IL1RL1: variants seen among roughly 807,000 people sequenced by gnomAD.
IL1RL1 encodes the protein interleukin-1 receptor-like 1.
IL1RL1 carries 32 observed loss-of-function variants against 50.9 expected under a neutral mutation model. The observed-to-expected ratio is 0.63, with a 90% CI of 0.47 to 0.84. The LOEUF is 0.84. Ranked by LOEUF, IL1RL1 falls within the 40% of genes least tolerant of loss-of-function variation. The pLI is 0.00. For missense variants in IL1RL1, 773 were observed against 662.9 expected, an observed-to-expected ratio of 1.17 and a Z score of -1.82; for synonymous variants, 275 against 236.0, an observed-to-expected ratio of 1.17 and a Z score of -1.51.
In IL1RL1 at chr2:102,348,087, G is replaced by A; in HGVS notation, c.1113G>A (p.Arg371=). 1 of 1,607,976 alleles carries A rather than the reference G, an allele frequency of 6.2e-7. No individual in the cohort carries two copies. The highest frequency in any genetic ancestry group is 8.5e-7 in the Non-Finnish European group (1 of 1,177,736). Residue 371 remains arginine, a synonymous_variant, in exon 9 of 11, where the codon AGG becomes AGA. Transcript: ENST00000233954. ...WRDIAKPYKT[R]NDGKLYDAYV... ...ACATAGCTAAACCTTACAAGACTAGGAATGGTAAGTGGCAAATACCAAGTT... is the reference window on the plus strand; with the variant it reads ...ACATAGCTAAACCTTACAAGACTAGAAATGGTAAGTGGCAAATACCAAGTT...
intron 1 of IL1RL1, among the ~76,000 whole-genome samples, chr2:102,335,892 G>A (rs1677306678): frequency 6.6e-6 from 1 of 152,082 alleles, no homozygotes; most frequent in Non-Finnish European, 1.5e-5. Context: ...ATAATATCCT[G>A]ATAAAACGGA....
chr2:102,345,400 A>G (rs748583017), intron 8 of IL1RL1: 17 of 985,168 alleles, frequency 1.7e-5, no homozygotes, highest in Non-Finnish European at 1.9e-5. Context: ...GGAAGGAAAG[A>G]GAGAAATATA....
intron 1 of IL1RL1, among the ~76,000 whole-genome samples, chr2:102,335,986 G>T (rs548371496): frequency 1.3e-5 from 2 of 152,092 alleles, no homozygotes; most frequent in Admixed American, 1.3e-4. Context: ...ATCTCCCCGC[G>T]GTCAAAGGAC....
At chr2:102,319,585 G>C (rs755905298) in intron 1 of IL1RL1, among the ~76,000 whole-genome samples, 15 of 152,192 alleles carry the variant, frequency 9.9e-5, no homozygotes, top group Non-Finnish European at 1.9e-4. Flanking sequence ...CTCAGTGTAA[G>C]CTAGTACACT....
intron 9 of IL1RL1, 27 bp downstream of exon 9, chr2:102,348,118 C>T: frequency 1.3e-6 from 2 of 1,585,120 alleles, no homozygotes; most frequent in South Asian, 1.1e-5. Context: ...AAGTTTTTCT[C>T]CCAAAGAAAA....
chr2:102,341,264 A>C (rs1247402593), intron 5 of IL1RL1: 1 of 1,249,974 alleles, frequency 8.0e-7, no homozygotes, highest in African/African-American at 1.6e-5. Context: ...GTCTAATGAG[A>C]GGCTTTGTGA....
chr2:102,351,165 A>G (rs1256795110), intron 10 of IL1RL1, among the ~76,000 whole-genome samples: 1 of 152,174 alleles, frequency 6.6e-6, no homozygotes, highest in East Asian at 1.9e-4. Flanking sequence ...GCCATTGAAA[A>G]ACATATAAGC....
At chr2:102,334,440 C>T (rs1677254781) in intron 1 of IL1RL1, among the ~76,000 whole-genome samples, 1 of 151,970 alleles carries the variant, frequency 6.6e-6, no homozygotes, top group African/African-American at 2.4e-5. Context: ...AGCTGGGGGG[C>T]CCAGCATATT....
chr2:102,316,490 C>T (rs1676676501), intron 1 of IL1RL1, among the ~76,000 whole-genome samples: 1 of 152,108 alleles, frequency 6.6e-6, no homozygotes, highest in South Asian at 2.1e-4. Context: ...GGTAGAATTT[C>T]CTTCTTCAGA....
chr2:102,324,703 T>C (rs547264372), intron 1 of IL1RL1, among the ~76,000 whole-genome samples: 50 of 152,354 alleles, frequency 3.3e-4, no homozygotes, highest in African/African-American at 9.4e-4. Context: ...CAGGAGATTA[T>C]ATCCTGCACC....
chr2:102,317,196 T>C (rs1249137869), intron 1 of IL1RL1, among the ~76,000 whole-genome samples: 2 of 151,678 alleles, frequency 1.3e-5, no homozygotes, highest in Non-Finnish European at 2.9e-5. Flanking sequence ...CTAGTAAAAA[T>C]ACAAAAAATT....
chr2:102,315,737 C>G (rs1676656481), intron 1 of IL1RL1, among the ~76,000 whole-genome samples: 1 of 152,176 alleles, frequency 6.6e-6, no homozygotes, highest in South Asian at 2.1e-4. Context: ...CACCAACTCT[C>G]AAGACACCAG....
intron 1 of IL1RL1, among the ~76,000 whole-genome samples, chr2:102,324,289 G>A (rs1676926427): frequency 6.6e-6 from 1 of 152,176 alleles, no homozygotes; most frequent in Admixed American, 6.5e-5. Flanking sequence ...TGATGCATGA[G>A]AGTTCTAGGT....
intron 10 of IL1RL1, among the ~76,000 whole-genome samples, 165 bp downstream of exon 10, chr2:102,349,411 C>T (rs12469506): frequency 0.22 from 33,404 of 152,048 alleles, 4,363 homozygotes; most frequent in East Asian, 0.39. Flanking sequence ...CCTTCAATCG[C>T]CCCTCTCCCA....
intron 1 of IL1RL1, among the ~76,000 whole-genome samples, chr2:102,326,130 C>T (rs1676990669): frequency 6.6e-6 from 1 of 152,192 alleles, no homozygotes; most frequent in Admixed American, 6.5e-5. Flanking sequence ...CAAGGGGAAG[C>T]CCATCAGACT....
chr2:102,345,536 T>C, intron 8 of IL1RL1: 1 of 985,360 alleles, frequency 1.0e-6, no homozygotes, highest in South Asian at 4.7e-5. Context: ...TTAGGATTCA[T>C]CCAGATACAC....
chr2:102,343,422 A>G lies in IL1RL1; in HGVS notation c.970+7A>G, dbSNP rs1204340889. The G allele has an allele frequency of 6.2e-7, 1 of 1,614,204 alleles. No homozygotes were observed. The highest frequency in any genetic ancestry group is 8.5e-7 in the Non-Finnish European group (1 of 1,180,036). ...CTAAGTAGGAAAAATCCAAGTAAGGAGTGTTTCTGAGACTTTGATCACCTG... is the reference window on the plus strand; with the variant it reads ...CTAAGTAGGAAAAATCCAAGTAAGGGGTGTTTCTGAGACTTTGATCACCTG... On this transcript the variant is annotated splice_region_variant and intron_variant, in intron 8 of 10. Coordinates refer to ENST00000233954, the MANE Select transcript of IL1RL1 (RefSeq NM_016232.5).
At chr2:102,321,592 T>C (rs372844898) in intron 1 of IL1RL1, among the ~76,000 whole-genome samples, 23 of 152,262 alleles carry the variant, frequency 1.5e-4, no homozygotes, top group African/African-American at 4.8e-4. Context: ...TATTTTATGG[T>C]CCGAGTAATT....
chr2:102,312,563 G>GA (rs1439863747), intron 1 of IL1RL1, among the ~76,000 whole-genome samples: 1 of 151,894 alleles, frequency 6.6e-6, no homozygotes, highest in Non-Finnish European at 1.5e-5. Flanking sequence ...GGAGATGAAG[G>GA]AAAAAAACAA....
Sources: gnomAD v4.1 joint callset for allele counts (sites outside exome capture counted in the v4.1 genomes callset) on GRCh38, gnomAD v4.1.1 for gene constraint, MANE v1.5 for transcripts, NCBI Gene and HGNC (gene_info 2026-07-23, HGNC 2026-07-21) for gene names.